Variants in DOK6 observed in about 807,000 individuals in gnomAD.
DOK6 encodes the protein downstream of tyrosine kinase 6.
DOK6 carries 22 observed loss-of-function variants against 44.0 expected under a neutral mutation model. That is an observed-to-expected ratio of 0.50 (90% CI 0.36 to 0.71). The LOEUF is 0.71. Among genes scored for constraint, DOK6 ranks in the 30% least tolerant of loss-of-function variants. DOK6 has a pLI of 0.00. For missense variants in DOK6, 340 were observed against 416.4 expected (o/e 0.82, Z 1.60); for synonymous variants, 166 against 145.5 (o/e 1.14, Z -1.01).
intron 4 of DOK6, among the ~76,000 whole-genome samples, chr18:69,679,665 G>C (rs1358959194): frequency 6.6e-6 from 1 of 152,174 alleles, no homozygotes; most frequent in East Asian, 1.9e-4. Context: ...ATATGAAAAA[G>C]TGAATAAATT....
intron 3 of DOK6, among the ~76,000 whole-genome samples, chr18:69,636,343 A>G (rs1350217149): frequency 1.3e-5 from 2 of 152,194 alleles, no homozygotes; most frequent in Non-Finnish European, 2.9e-5. Flanking sequence ...AGATATTATG[A>G]GGACAAGTGG....
Position 69,651,481 on chromosome 18 carries a change from C to CTT in DOK6, c.290-26253_290-26252insTT, listed in dbSNP as rs1568322475. 8.2e-3 allele frequency among the ~76,000 whole-genome samples: 1,182 copies of CTT among 143,744 alleles called. 23 individuals are homozygous for CTT. Among genetic ancestry groups the CTT allele is most frequent in the African/African-American group, 0.03 (1,110 of 37,412 alleles). 94.3% of individuals were successfully genotyped at this position (143,744 alleles called of 152,430 possible). On this transcript the variant is annotated intron_variant, in intron 3 of 7. Transcript: ENST00000382713. Reference sequence around the variant, plus strand: ...TGCATTGCATCATCAGCCCCCCGCTCCTTTTTTTTTTTTTTTTTTTTTTTT... The same window carrying CTT: ...TGCATTGCATCATCAGCCCCCCGCTCTTCTTTTTTTTTTTTTTTTTTTTTTTT...
intron 1 of DOK6, among the ~76,000 whole-genome samples, chr18:69,444,453 G>A (rs751176022): frequency 1.3e-5 from 2 of 152,130 alleles, no homozygotes; most frequent in Non-Finnish European, 2.9e-5. Context: ...CCCAACCACC[G>A]AATCCCACAC....
At chr18:69,743,676 ATTTT>A (rs908263509) in intron 6 of DOK6, among the ~76,000 whole-genome samples, 1 of 149,380 alleles carries the variant, frequency 6.7e-6, no homozygotes, top group Non-Finnish European at 1.5e-5. Flanking sequence ...AAAAAAAAAG[ATTTT>A]TTTTTTCTGC....
chr18:69,796,973 A>G (rs960439498), intron 7 of DOK6, among the ~76,000 whole-genome samples: 3 of 152,140 alleles, frequency 2.0e-5, no homozygotes, highest in Non-Finnish European at 4.4e-5. Context: ...TATTTGATGA[A>G]CTGACTAAGC....
intron 3 of DOK6, among the ~76,000 whole-genome samples, chr18:69,632,152 G>T (rs1984704200): frequency 6.6e-6 from 1 of 151,980 alleles, no homozygotes; most frequent in Admixed American, 6.6e-5. Flanking sequence ...ATAAAAACTT[G>T]GTACATACTT....
intron 3 of DOK6, among the ~76,000 whole-genome samples, chr18:69,611,172 T>C (rs1349240556): frequency 6.6e-6 from 1 of 152,234 alleles, no homozygotes; most frequent in African/African-American, 2.4e-5. Flanking sequence ...ATTTTGCCTA[T>C]GTGAATTTGT....
chr18:69,578,686 T>C (rs1983293951), intron 2 of DOK6, among the ~76,000 whole-genome samples: 1 of 152,196 alleles, frequency 6.6e-6, no homozygotes, highest in African/African-American at 2.4e-5. Flanking sequence ...TTCTGCCTAA[T>C]TGCATAATAT....
intron 7 of DOK6, among the ~76,000 whole-genome samples, chr18:69,759,374 T>G (rs1568118290): frequency 1.3e-5 from 2 of 152,154 alleles, no homozygotes; most frequent in Non-Finnish European, 2.9e-5. Context: ...TGTTTAAATA[T>G]TGATATTCAC....
intron 7 of DOK6, among the ~76,000 whole-genome samples, chr18:69,834,263 A>G (rs553708606): frequency 1.8e-4 from 28 of 152,336 alleles, no homozygotes; most frequent in African/African-American, 6.7e-4. Context: ...TGTTAAGTGA[A>G]ATAAGCCAGG....
intron 3 of DOK6, among the ~76,000 whole-genome samples, chr18:69,600,883 T>C (rs1342813348): frequency 6.6e-6 from 1 of 152,206 alleles, no homozygotes; most frequent in African/African-American, 2.4e-5. Context: ...AATTCATGTT[T>C]AGTTAATAAC....
In DOK6 at chr18:69,845,113, C is replaced by A. The variant is rs1405336970; in HGVS notation, c.*3730C>A. On this transcript the variant is annotated 3_prime_UTR_variant, in exon 8 of 8. Coordinates refer to ENST00000382713, the MANE Select transcript of DOK6 (RefSeq NM_152721.6). ...AAACTTTGTAAAAAAGCATGGGGAC[C>A]CTACTCCCTAGATTATTTGAGCCAT... The A allele has an allele frequency of 6.6e-6, 1 of 152,076 alleles. No individual in the cohort carries two copies. Among genetic ancestry groups the A allele is most frequent in the Non-Finnish European group, 1.5e-5 (1 of 67,998 alleles). The allele number at this position is 152,076 out of a possible 1,614,324, so 9.4% of individuals were successfully genotyped here.
chr18:69,418,145 G>A (rs989314999), intron 1 of DOK6, among the ~76,000 whole-genome samples: 5 of 152,152 alleles, frequency 3.3e-5, no homozygotes, highest in African/African-American at 9.6e-5. Context: ...CAGTGTCCTG[G>A]AGCATTTCCC....
intron 7 of DOK6, among the ~76,000 whole-genome samples, chr18:69,810,401 T>C (rs1166604437): frequency 1.3e-5 from 2 of 151,848 alleles, no homozygotes; most frequent in African/African-American, 4.8e-5. Context: ...TATTGGCCTA[T>C]GCAATGATTT....
At chr18:69,702,030 T>C (rs1986532339) in intron 5 of DOK6, among the ~76,000 whole-genome samples, 1 of 151,838 alleles carries the variant, frequency 6.6e-6, no homozygotes, top group South Asian at 2.1e-4. Context: ...TAAATATGAA[T>C]TATGTTATAT....
At position 69,564,590 on chromosome 18, in the gene DOK6, A is replaced by G. The variant is rs757167543; in HGVS notation, c.170A>G (p.His57Arg). The G allele has an allele frequency of 6.2e-7, 1 of 1,612,790 alleles. No homozygotes were observed. Among genetic ancestry groups the G allele is most frequent in the Non-Finnish European group, 8.5e-7 (1 of 1,179,430 alleles). The stretch of plus-strand genomic sequence containing the variant: ...AAGGCAGCTTATTTCAGAAACTTTC[A>G]TAAGGTAAGTCACAGTCCTGGGAGT... The part of the protein sequence containing the change: ...DEKAAYFRNF[H>R]KVTELHNIKN... The change falls in exon 2 of 8, where the codon CAT becomes CGT. Residue 57 changes from histidine (H) to arginine (R), a missense_variant. His to Arg is a conservative substitution (Grantham distance 29). This residue lies in a region of DOK6 where 206 missense variants were observed against 258.6 expected (regional missense o/e 0.80). Transcript: ENST00000382713.
At chr18:69,796,125 G>T (rs1980738173) in intron 7 of DOK6, among the ~76,000 whole-genome samples, 1 of 152,194 alleles carries the variant, frequency 6.6e-6, no homozygotes, top group Admixed American at 6.5e-5. Context: ...GGCAGAGACG[G>T]ATCTCAGCAA....
At chr18:69,543,013 CTGCTTTGGGACA>C (rs1982309519) in intron 1 of DOK6, among the ~76,000 whole-genome samples, 1 of 151,524 alleles carries the variant, frequency 6.6e-6, no homozygotes, top group African/African-American at 2.4e-5. Context: ...TCAAAGGAGT[CTGCTTTGGGACA>C]AAAATCTATT....
At chr18:69,532,900 A>T (rs1982024457) in intron 1 of DOK6, 1 of 152,204 alleles carries the variant, frequency 6.6e-6, no homozygotes, top group Admixed American at 6.6e-5. Flanking sequence ...AAACTGCTTT[A>T]GAAATGAAAT....
Sources: gnomAD v4.1 joint callset for allele counts (sites outside exome capture counted in the v4.1 genomes callset) on GRCh38, gnomAD v4.1.1 for gene constraint, gnomAD v4.1.1 regional missense constraint, MANE v1.5 for transcripts, NCBI Gene and HGNC (gene_info 2026-07-23, HGNC 2026-07-21) for gene names.